The following GRB10 variants were observed in gnomAD, a reference collection of about 807,000 sequenced individuals.
The protein encoded by GRB10 is growth factor receptor bound protein 10, also known as growth factor receptor-bound protein 10.
In GRB10, 20 loss-of-function variants were observed where a neutral mutation model predicts 80.9. The ratio of observed to expected loss-of-function variants is 0.25; its 90% CI spans 0.17 to 0.36. The LOEUF (loss-of-function observed/expected upper bound fraction) is 0.36. Ranked by LOEUF, GRB10 falls within the 10% of genes least tolerant of loss-of-function variation. GRB10 has a pLI of 1.00. For synonymous variants in GRB10, 291 were observed against 291.5 expected (o/e 1.00, Z 0.02); for missense variants, 548 against 747.7 (o/e 0.73, Z 3.12).
intron 2 of GRB10, among the ~76,000 whole-genome samples, 185 bp from the exon 3 acceptor site, chr7:50,756,241 G>A (rs146598048): frequency 3.9e-5 from 6 of 152,344 alleles, no homozygotes; most frequent in African/African-American, 1.4e-4. Flanking sequence ...GTTTCTAGTT[G>A]TCACATGATG....
At chr7:50,691,414 C>T (rs1311922278) in intron 5 of GRB10, among the ~76,000 whole-genome samples, 1 of 152,148 alleles carries the variant, frequency 6.6e-6, no homozygotes, top group African/African-American at 2.4e-5. Flanking sequence ...CTTCAGTTTC[C>T]TCAGTTTCCC....
At chr7:50,642,280 ACACACACACACACACACGCATG>A (rs903181596) in intron 7 of GRB10, among the ~76,000 whole-genome samples, 4 of 150,408 alleles carry the variant, frequency 2.7e-5, no homozygotes, top group African/African-American at 7.3e-5. Flanking sequence ...TGGAAACTTC[ACACACACACACACACACGCATG>A]CACACACACA....
At chr7:50,784,959 T>C (rs552476551), upstream of GRB10, among the ~76,000 whole-genome samples, 3 of 152,322 alleles carry the variant, frequency 2.0e-5, no homozygotes, top group South Asian at 6.2e-4. Context: ...TCTCCCCAGC[T>C]CCATCAGCTA....
intron 17 of GRB10, 175 bp from the exon 18 acceptor site, chr7:50,595,705 C>T (rs1020529633): frequency 1.3e-5 from 8 of 602,946 alleles, no homozygotes; most frequent in Non-Finnish European, 2.4e-5. Context: ...CAACAGCACA[C>T]CAGGCAAGCA....
intron 7 of GRB10, among the ~76,000 whole-genome samples, chr7:50,637,694 A>C (rs2055327874): frequency 7.3e-6 from 1 of 137,664 alleles, no homozygotes; most frequent in African/African-American, 2.7e-5. Flanking sequence ...AATTAGAAAA[A>C]AAGATTGTAA....
intron 17 of GRB10, among the ~76,000 whole-genome samples, 169 bp downstream of exon 17, chr7:50,603,829 G>A (rs963257036): frequency 4.6e-5 from 7 of 152,302 alleles, no homozygotes; most frequent in Non-Finnish European, 8.8e-5. Context: ...CTTACTAGCT[G>A]GGCAAGCCCT....
At position 50,608,329 on chromosome 7, in the gene GRB10, G is replaced by C. The variant is rs191260066; in HGVS notation, c.1195-1915C>G. On this transcript the variant is annotated intron_variant, in intron 13 of 18. Transcript: ENST00000401949. The stretch of plus-strand genomic sequence containing the variant: ...GACAATGCAGTGGGAAGATGCAGAA[G>C]AGAATAACCGCTAACCTTGCATCCT... Among the ~76,000 whole-genome samples the C allele has an allele frequency of 5.9e-5, 9 of 152,300 alleles. No homozygotes were observed. In the East Asian group the frequency reaches 1.5e-3, roughly 26 times the overall value.
chr7:50,718,388 C>T (rs560663591), intron 4 of GRB10, among the ~76,000 whole-genome samples: 8 of 152,298 alleles, frequency 5.3e-5, no homozygotes, highest in African/African-American at 1.7e-4. Flanking sequence ...TCCTCCTTAT[C>T]CACCTATGAA....
intron 12 of GRB10, among the ~76,000 whole-genome samples, chr7:50,614,315 T>C (rs2050137660): frequency 6.6e-6 from 1 of 152,188 alleles, no homozygotes; most frequent in Non-Finnish European, 1.5e-5. Context: ...AGCACACACA[T>C]GCATGCAGAG....
At chr7:50,594,795 C>CA (rs1280640866) in intron 18 of GRB10, among the ~76,000 whole-genome samples, 4 of 151,910 alleles carry the variant, frequency 2.6e-5, no homozygotes, top group Non-Finnish European at 4.4e-5. Flanking sequence ...AGTGCTTTGT[C>CA]AAAAAAAGTA....
chr7:50,720,449 T>A (rs958116143), intron 4 of GRB10, among the ~76,000 whole-genome samples: 1 of 152,030 alleles, frequency 6.6e-6, no homozygotes, highest in East Asian at 1.9e-4. Flanking sequence ...TCGAGACTCA[T>A]AACCGGTGGC....
At chr7:50,705,339 T>TATCTGGAG in intron 4 of GRB10, 1 of 980,838 alleles carries the variant, frequency 1.0e-6, no homozygotes, top group Non-Finnish European at 1.2e-6. Context: ...GAAAACAAAA[T>TATCTGGAG]AAAACGAACA....
At chr7:50,650,160 G>T (rs2057826537) in intron 7 of GRB10, among the ~76,000 whole-genome samples, 1 of 152,170 alleles carries the variant, frequency 6.6e-6, no homozygotes, top group South Asian at 2.1e-4. Context: ...TCACAAGCTG[G>T]GGTCGAAAAC....
intron 4 of GRB10, among the ~76,000 whole-genome samples, chr7:50,712,857 T>C (rs904257534): frequency 1.3e-5 from 2 of 152,240 alleles, no homozygotes; most frequent in Non-Finnish European, 2.9e-5. Flanking sequence ...ATAAATTTCA[T>C]CTGTTGGAAG....
chr7:50,774,406 T>C (rs2077362813), intron 2 of GRB10, among the ~76,000 whole-genome samples: 1 of 152,236 alleles, frequency 6.6e-6, no homozygotes, highest in Admixed American at 6.5e-5. Context: ...ACAAAATCTA[T>C]TTCTCACAGT....
intron 6 of GRB10, among the ~76,000 whole-genome samples, chr7:50,671,471 G>A (rs576942175): frequency 6.6e-6 from 1 of 152,348 alleles, no homozygotes; most frequent in South Asian, 2.1e-4. Context: ...AGCAAATGAT[G>A]CATGGATTTA....
intron 4 of GRB10, among the ~76,000 whole-genome samples, chr7:50,704,236 A>G (rs917167893): frequency 2.0e-5 from 3 of 152,210 alleles, no homozygotes; most frequent in Admixed American, 6.5e-5. Flanking sequence ...CATTCCATGG[A>G]ACACATGCAT....
intron 2 of GRB10, among the ~76,000 whole-genome samples, chr7:50,757,254 A>C (rs2075215880): frequency 1.3e-5 from 2 of 152,256 alleles, no homozygotes; most frequent in East Asian, 3.8e-4. Flanking sequence ...TCCCAGCTAT[A>C]AAATCAGCAT....
intron 7 of GRB10, among the ~76,000 whole-genome samples, chr7:50,654,446 C>T (rs2058400447): frequency 6.6e-6 from 1 of 152,144 alleles, no homozygotes; most frequent in Non-Finnish European, 1.5e-5. Context: ...CCTTAACAGA[C>T]GAGGTTCTGG....
Sources: allele counts gnomAD v4.1 joint callset (sites outside exome capture counted in the v4.1 genomes callset), GRCh38; gene constraint gnomAD v4.1.1; transcripts MANE v1.5; gene names NCBI Gene and HGNC (gene_info 2026-07-23, HGNC 2026-07-21).